Variants in COX7B2 observed in about 807,000 individuals in gnomAD.
The protein encoded by COX7B2 is cytochrome c oxidase subunit 7B2.
For missense variants in COX7B2, 109 were observed against 95.9 expected (o/e 1.14, Z -0.57); for synonymous variants, 37 against 32.1 (o/e 1.15, Z -0.51).
intron 2 of COX7B2, among the ~76,000 whole-genome samples, chr4:46,744,205 C>T (rs1226816321): frequency 6.6e-6 from 1 of 151,842 alleles, no homozygotes; most frequent in Non-Finnish European, 1.5e-5. Context: ...GAGAAGGATC[C>T]CCAGGCGTCT....
intron 1 of COX7B2, among the ~76,000 whole-genome samples, chr4:46,848,221 CACTA>C (rs1166147653): frequency 2.6e-5 from 4 of 152,012 alleles, no homozygotes; most frequent in African/African-American, 9.7e-5. Context: ...TTTCAAAACT[CACTA>C]ACTAATGCTA....
intron 1 of COX7B2, among the ~76,000 whole-genome samples, chr4:46,904,883 C>T (rs927671067): frequency 6.6e-6 from 1 of 152,086 alleles, no homozygotes; most frequent in African/African-American, 2.4e-5. Context: ...AACATGGATT[C>T]CTATTTGTAT....
At chr4:46,857,271 TG>T (rs1717059663) in intron 1 of COX7B2, among the ~76,000 whole-genome samples, 1 of 152,238 alleles carries the variant, frequency 6.6e-6, no homozygotes, top group Non-Finnish European at 1.5e-5. Context: ...ATCTGGCTCT[TG>T]TGAGAATAGA....
At chr4:46,863,202 G>T (rs147062591) in intron 1 of COX7B2, among the ~76,000 whole-genome samples, 1 of 152,178 alleles carries the variant, frequency 6.6e-6, no homozygotes, top group Non-Finnish European at 1.5e-5. Context: ...CTGATAAGGA[G>T]GGAGAAATGT....
At chr4:46,879,655 C>G (rs890682871) in intron 1 of COX7B2, among the ~76,000 whole-genome samples, 1 of 150,496 alleles carries the variant, frequency 6.6e-6, no homozygotes, top group African/African-American at 2.4e-5. Context: ...TTTATTGTAC[C>G]TCTTCAATAC....
At chr4:46,756,869 C>G (rs1395518324) in intron 2 of COX7B2, among the ~76,000 whole-genome samples, 1 of 152,026 alleles carries the variant, frequency 6.6e-6, no homozygotes, top group Non-Finnish European at 1.5e-5. Context: ...TAATGTAAAA[C>G]AAACTAGGTA....
intron 1 of COX7B2, among the ~76,000 whole-genome samples, chr4:46,851,791 T>C (rs552038736): frequency 4.6e-5 from 7 of 152,254 alleles, no homozygotes; most frequent in South Asian, 2.1e-4. Context: ...ACAATGACGT[T>C]ATGTATTTTT....
At chr4:46,739,308 G>C (rs1714560949) in intron 2 of COX7B2, among the ~76,000 whole-genome samples, 1 of 151,966 alleles carries the variant, frequency 6.6e-6, no homozygotes, top group Non-Finnish European at 1.5e-5. Context: ...ATTCAACTCT[G>C]AGTATTGGAA....
At chr4:46,748,695 A>G (rs1715170038) in intron 2 of COX7B2, among the ~76,000 whole-genome samples, 1 of 152,086 alleles carries the variant, frequency 6.6e-6, no homozygotes, top group Non-Finnish European at 1.5e-5. Context: ...CTTTCCTGGA[A>G]ACTCTTCTTC....
intron 2 of COX7B2, among the ~76,000 whole-genome samples, chr4:46,742,801 T>C (rs546986451): frequency 3.5e-4 from 54 of 152,238 alleles, no homozygotes; most frequent in African/African-American, 1.3e-3. Context: ...AGTAAAGGGA[T>C]ATTGAGGTAG....
intron 2 of COX7B2, among the ~76,000 whole-genome samples, chr4:46,759,439 C>A (rs1715997619): frequency 6.6e-6 from 1 of 151,832 alleles, no homozygotes; most frequent in Non-Finnish European, 1.5e-5. Context: ...AAAATTTTTG[C>A]AATCTATCCA....
intron 2 of COX7B2, among the ~76,000 whole-genome samples, chr4:46,743,958 A>G (rs948016138): frequency 6.6e-6 from 1 of 152,216 alleles, no homozygotes; most frequent in African/African-American, 2.4e-5. Context: ...CAAGGAGTAC[A>G]GGGTGTGTGG....
intron 2 of COX7B2, among the ~76,000 whole-genome samples, chr4:46,831,333 C>T (rs1235642437): frequency 6.6e-6 from 1 of 152,158 alleles, no homozygotes; most frequent in Non-Finnish European, 1.5e-5. Context: ...AACCTCCCAC[C>T]CCGCCATGGG....
intron 1 of COX7B2, among the ~76,000 whole-genome samples, chr4:46,878,522 A>G (rs1248362273): frequency 2.6e-5 from 4 of 151,976 alleles, no homozygotes; most frequent in African/African-American, 9.7e-5. Flanking sequence ...TACACATTAC[A>G]TTTTAGATCT....
At chr4:46,742,114 AC>A (rs1442649655) in intron 2 of COX7B2, among the ~76,000 whole-genome samples, 5 of 152,178 alleles carry the variant, frequency 3.3e-5, no homozygotes, top group African/African-American at 1.2e-4. Context: ...AGTTATAGGG[AC>A]CCCCTGGGAA....
chr4:46,835,154 A>G (rs1715422605), intron 2 of COX7B2, among the ~76,000 whole-genome samples: 1 of 152,160 alleles, frequency 6.6e-6, no homozygotes, highest in African/African-American at 2.4e-5. Flanking sequence ...GGATTATTAC[A>G]CACTGCTGAT....
intron 2 of COX7B2, among the ~76,000 whole-genome samples, chr4:46,790,413 T>C (rs1265981807): frequency 3.3e-5 from 5 of 152,192 alleles, no homozygotes; most frequent in Non-Finnish European, 7.4e-5. Context: ...GAATTATATG[T>C]TTTTGAGCAA....
chr4:46,738,068 A>G (rs1202565124), intron 2 of COX7B2, among the ~76,000 whole-genome samples: 3 of 152,192 alleles, frequency 2.0e-5, no homozygotes, highest in Non-Finnish European at 4.4e-5. Context: ...AGAAGGTGAC[A>G]TCGGTCAGGG....
intron 2 of COX7B2, among the ~76,000 whole-genome samples, chr4:46,778,541 T>G (rs1261955578): frequency 1.3e-5 from 2 of 152,102 alleles, no homozygotes; most frequent in Admixed American, 6.6e-5. Flanking sequence ...ACACCGTATA[T>G]CAAATTCAAT....
Sources: allele counts gnomAD v4.1 joint callset (sites outside exome capture counted in the v4.1 genomes callset), GRCh38; gene constraint gnomAD v4.1.1; transcripts MANE v1.5; gene names NCBI Gene and HGNC (gene_info 2026-07-23, HGNC 2026-07-21).